ARIH1: variants seen among roughly 807,000 people sequenced by gnomAD.
ARIH1 encodes E3 ubiquitin-protein ligase ARIH1.
ARIH1 carries 8 observed loss-of-function variants against 85.0 expected under a neutral mutation model. That is an observed-to-expected ratio of 0.09 (90% CI 0.06 to 0.17). The LOEUF (loss-of-function observed/expected upper bound fraction) is 0.17, where lower values mean the gene tolerates loss of function less well. Among genes scored for constraint, ARIH1 ranks in the 10% least tolerant of loss-of-function variants. ARIH1 has a pLI of 1.00. For missense variants in ARIH1, 311 were observed against 718.1 expected, an observed-to-expected ratio of 0.43 and a Z score of 6.48; for synonymous variants, 238 against 253.6, an observed-to-expected ratio of 0.94 and a Z score of 0.59.
At chr15:72,495,203 T>G (rs2063875054) in intron 1 of ARIH1, among the ~76,000 whole-genome samples, 2 of 152,184 alleles carry the variant, frequency 1.3e-5, no homozygotes, top group Admixed American at 1.3e-4. Flanking sequence ...GATCAGTGGT[T>G]GTCAGAGGCT....
chr15:72,547,181 C>T (rs571570417), intron 3 of ARIH1, among the ~76,000 whole-genome samples: 2 of 151,882 alleles, frequency 1.3e-5, no homozygotes, highest in African/African-American at 2.4e-5. Flanking sequence ...CCCGCCTCAG[C>T]ATGCCAAAGT....
intron 2 of ARIH1, among the ~76,000 whole-genome samples, chr15:72,539,034 A>G (rs1236281289): frequency 3.9e-5 from 6 of 152,336 alleles, no homozygotes; most frequent in African/African-American, 9.6e-5. Flanking sequence ...TGAAAAGGAT[A>G]GGCAGGGTTA....
In ARIH1 at chr15:72,574,735, C is replaced by T. The variant is rs535982060; in HGVS notation, c.1215+2570C>T. Among the ~76,000 whole-genome samples, 6 of 152,250 alleles carry T rather than the reference C, an allele frequency of 3.9e-5. No homozygotes were observed. In the East Asian group the frequency reaches 1.2e-3, roughly 29 times the overall value. ...TGCCTCTGCCCTTATAATGCAAAAG[C>T]AGCCATAGACTTAAATGAGTAGGTA... is the stretch of plus-strand genomic sequence containing the variant. On this transcript the variant is annotated intron_variant, in intron 11 of 13. Transcript: ENST00000379887.
intron 1 of ARIH1, among the ~76,000 whole-genome samples, chr15:72,493,944 T>TA (rs906998902): frequency 3.3e-5 from 5 of 152,008 alleles, no homozygotes; most frequent in African/African-American, 1.2e-4. Context: ...ACAAAAGATT[T>TA]AAAAAAAACA....
chr15:72,512,287 G>A (rs2063954101), intron 1 of ARIH1, among the ~76,000 whole-genome samples: 1 of 151,758 alleles, frequency 6.6e-6, no homozygotes, highest in Non-Finnish European at 1.5e-5. Context: ...TTTTCTTTGT[G>A]CAAGAGAGTT....
chr15:72,532,823 A>G (rs2064063609), intron 2 of ARIH1, among the ~76,000 whole-genome samples: 1 of 152,260 alleles, frequency 6.6e-6, no homozygotes, highest in African/African-American at 2.4e-5. Flanking sequence ...ATGATTGGTC[A>G]CTTGAACAAA....
chr15:72,572,462 C>T (rs980202759), intron 11 of ARIH1: 5 of 194,520 alleles, frequency 2.6e-5, no homozygotes, highest in African/African-American at 4.7e-5. Context: ...GATCCACTGG[C>T]CTCGGCCTCC....
At chr15:72,579,460 T>G (rs1177613540) in intron 11 of ARIH1, among the ~76,000 whole-genome samples, 1 of 152,232 alleles carries the variant, frequency 6.6e-6, no homozygotes, top group Non-Finnish European at 1.5e-5. Context: ...CACTGTAGTT[T>G]TCTACTTAAA....
chr15:72,488,267 A>G (rs956489025), intron 1 of ARIH1, among the ~76,000 whole-genome samples: 15 of 151,620 alleles, frequency 9.9e-5, no homozygotes, highest in East Asian at 1.9e-4. Flanking sequence ...GGTAGAGACA[A>G]TTTTTTGCCA....
intron 1 of ARIH1, among the ~76,000 whole-genome samples, chr15:72,487,108 G>A (rs2063840835): frequency 6.6e-6 from 1 of 151,858 alleles, no homozygotes; most frequent in Non-Finnish European, 1.5e-5. Flanking sequence ...ATATTGTTGT[G>A]TAGTATTGTT....
chr15:72,534,391 GTGTT>G (rs1265004747), intron 2 of ARIH1, among the ~76,000 whole-genome samples: 1 of 152,002 alleles, frequency 6.6e-6, no homozygotes, highest in Admixed American at 6.6e-5. Context: ...TTATATACTG[GTGTT>G]TGTTTTATAA....
At chr15:72,524,704 A>G (rs2064019430) in intron 2 of ARIH1, among the ~76,000 whole-genome samples, 1 of 152,230 alleles carries the variant, frequency 6.6e-6, no homozygotes, top group African/African-American at 2.4e-5. Flanking sequence ...AGGAACTGCC[A>G]GTTCCTGTAG....
Position 72,510,526 on chromosome 15 carries a change from C to G in ARIH1, c.376-7541C>G, listed in dbSNP as rs148170994. On this transcript the variant is annotated intron_variant, in intron 1 of 13. Coordinates refer to ENST00000379887, the MANE Select transcript of ARIH1 (RefSeq NM_005744.5). ...TTGGGAGGCCGAGGCGGGTGGATCA[C>G]GAGGTCAGGAGATCGAGACCATCCT... Among the ~76,000 whole-genome samples, 89 of 151,692 alleles carry G rather than the reference C, an allele frequency of 5.9e-4. No homozygotes were observed. In the East Asian group the frequency reaches 0.017, roughly 28 times the overall value.
intron 3 of ARIH1, among the ~76,000 whole-genome samples, chr15:72,553,964 A>G (rs2064163879): frequency 6.6e-6 from 1 of 152,126 alleles, no homozygotes; most frequent in Non-Finnish European, 1.5e-5. Flanking sequence ...GCTTATTTTC[A>G]TTCTTTTACA....
intron 11 of ARIH1, among the ~76,000 whole-genome samples, chr15:72,577,108 A>G (rs1485555867): frequency 6.6e-6 from 1 of 151,266 alleles, no homozygotes; most frequent in African/African-American, 2.4e-5. Context: ...TCAGCCTCCC[A>G]AGTAGTTGGG....
intron 5 of ARIH1, among the ~76,000 whole-genome samples, chr15:72,560,144 A>G (rs1185059554): frequency 2.0e-5 from 3 of 152,208 alleles, no homozygotes; most frequent in African/African-American, 7.2e-5. Context: ...TTAATTGAAC[A>G]CTTTCTACAG....
At chr15:72,503,875 G>A (rs1312333904) in intron 1 of ARIH1, among the ~76,000 whole-genome samples, 14 of 152,150 alleles carry the variant, frequency 9.2e-5, no homozygotes, top group East Asian at 3.9e-4. Context: ...TGGGCCCTGC[G>A]ATGGCACCCA....
intron 2 of ARIH1, among the ~76,000 whole-genome samples, chr15:72,544,131 ATTTAT>A (rs1163913196): frequency 7.9e-5 from 12 of 152,124 alleles, no homozygotes; most frequent in African/African-American, 2.7e-4. Context: ...CTAATATGTA[ATTTAT>A]TTTATATAAA....
At position 72,521,633 on chromosome 15, in the gene ARIH1, C is replaced by G. The variant is rs191352691; in HGVS notation, c.443+3499C>G. ...GTGCCATCTCGGCTCACTGCAACCT[C>G]CGCCTTGTGAGTTCAAGGGATCCTC... is the stretch of plus-strand genomic sequence containing the variant. On this transcript the variant is annotated intron_variant, in intron 2 of 13. Coordinates refer to ENST00000379887, the MANE Select transcript of ARIH1 (RefSeq NM_005744.5). Among the ~76,000 whole-genome samples, 122 of 152,196 alleles carry G rather than the reference C, an allele frequency of 8.0e-4. 3 individuals carry two copies. In the East Asian group the frequency reaches 0.013, roughly 16 times the overall value.
Sources: allele counts gnomAD v4.1 joint callset (sites outside exome capture counted in the v4.1 genomes callset), GRCh38; gene constraint gnomAD v4.1.1; transcripts MANE v1.5; gene names NCBI Gene and HGNC (gene_info 2026-07-23, HGNC 2026-07-21).